The following RAPGEF6 variants were observed in gnomAD, a reference collection of about 807,000 sequenced individuals.
RAPGEF6 encodes the protein Rap guanine nucleotide exchange factor 6.
Under a neutral mutation model 171.4 loss-of-function variants are expected in RAPGEF6, and 56 were observed. That is an observed-to-expected ratio of 0.33 (90% CI 0.26 to 0.41). The LOEUF (loss-of-function observed/expected upper bound fraction) is 0.41. Ranked by LOEUF, RAPGEF6 falls within the 10% of genes least tolerant of loss-of-function variation. RAPGEF6 has a pLI of 1.00. For missense variants in RAPGEF6, 1,674 were observed against 1,921.4 expected, an observed-to-expected ratio of 0.87 and a Z score of 2.41; for synonymous variants, 692 against 650.1, an observed-to-expected ratio of 1.06 and a Z score of -0.98.
chr5:131,462,162 T>C (rs2149835124), intron 18 of RAPGEF6, 74 bp from the exon 19 acceptor site: 2 of 1,162,624 alleles, frequency 1.7e-6, no homozygotes, highest in East Asian at 5.7e-5. Context: ...CTTTTTGTCG[T>C]TGTAAAATAT....
At chr5:131,450,457 T>C (rs1752992862) in intron 21 of RAPGEF6, among the ~76,000 whole-genome samples, 1 of 152,150 alleles carries the variant, frequency 6.6e-6, no homozygotes, top group African/African-American at 2.4e-5. Flanking sequence ...CTCATTTAAG[T>C]GACAGAATGA....
chr5:131,450,923 G>A (rs1403548567), intron 21 of RAPGEF6, among the ~76,000 whole-genome samples: 3 of 152,130 alleles, frequency 2.0e-5, no homozygotes, highest in Non-Finnish European at 4.4e-5. Context: ...CATTACTGAA[G>A]TATGGCTAGT....
In RAPGEF6 at chr5:131,447,629, A is replaced by G. The variant is rs115654751; in HGVS notation, c.3201-926T>C. On this transcript the variant is annotated intron_variant, in intron 21 of 27. Coordinates refer to ENST00000509018, the MANE Select transcript of RAPGEF6 (RefSeq NM_016340.6). Reference sequence around the variant, plus strand: ...GATGGTATTTTATTTTGCCATTCCAAAATAATAAGGTTATCTATGGATTTT... The same window carrying G: ...GATGGTATTTTATTTTGCCATTCCAGAATAATAAGGTTATCTATGGATTTT... Among the ~76,000 whole-genome samples the G allele has an allele frequency of 5.1e-3, 774 of 152,326 alleles. 4 individuals carry two copies. Among genetic ancestry groups the G allele is most frequent in the African/African-American group, 0.017 (709 of 41,568 alleles).
intron 21 of RAPGEF6, among the ~76,000 whole-genome samples, chr5:131,450,658 GC>G (rs747025124): frequency 9.2e-5 from 14 of 152,110 alleles, no homozygotes; most frequent in Non-Finnish European, 1.8e-4. Flanking sequence ...TTTTAAGTCT[GC>G]AAATTGATTA....
intron 11 of RAPGEF6, 41 bp from the exon 12 acceptor site, chr5:131,498,648 T>G: frequency 6.4e-7 from 1 of 1,571,276 alleles, no homozygotes; most frequent in Non-Finnish European, 8.7e-7. Flanking sequence ...AATAAACAAA[T>G]GACCCAAGAA....
At chr5:131,503,713 T>C (rs781032682) in intron 11 of RAPGEF6, among the ~76,000 whole-genome samples, 2 of 152,218 alleles carry the variant, frequency 1.3e-5, no homozygotes, top group Middle Eastern at 3.2e-3. Flanking sequence ...GTTCAGTTTA[T>C]ATCCAAGTCT....
chr5:131,531,413 T>A (rs1029442457), intron 6 of RAPGEF6, among the ~76,000 whole-genome samples: 1 of 152,168 alleles, frequency 6.6e-6, no homozygotes, highest in Admixed American at 6.5e-5. Flanking sequence ...ACTCACTGAA[T>A]TAGAGTATAT....
intron 11 of RAPGEF6, 135 bp downstream of exon 11, chr5:131,504,489 CAA>C (rs1383867570): frequency 1.1e-6 from 1 of 927,400 alleles, no homozygotes; most frequent in Non-Finnish European, 1.5e-6. Flanking sequence ...TAGAGAAAGA[CAA>C]AGAGTCAACA....
intron 14 of RAPGEF6, among the ~76,000 whole-genome samples, chr5:131,491,999 T>A (rs1173069692): frequency 1.3e-5 from 2 of 152,172 alleles, no homozygotes; most frequent in African/African-American, 4.8e-5. Context: ...TGCCAGCAGA[T>A]CACATTTGGA....
At chr5:131,511,073 A>G (rs1249156386) in intron 7 of RAPGEF6, among the ~76,000 whole-genome samples, 2 of 152,228 alleles carry the variant, frequency 1.3e-5, no homozygotes, top group East Asian at 1.9e-4. Flanking sequence ...GTAGGATCTA[A>G]AAGTGTGCAA....
At chr5:131,488,953 T>G (rs759410754) in intron 15 of RAPGEF6, among the ~76,000 whole-genome samples, 1 of 152,184 alleles carries the variant, frequency 6.6e-6, no homozygotes, top group Non-Finnish European at 1.5e-5. Context: ...ACACAGTAGA[T>G]TTGGTTAAAA....
rs540152034 is a variant in RAPGEF6, at chr5:131,502,336, A to G, written c.1254+2290T>C. Among the ~76,000 whole-genome samples, 3 of 152,374 alleles carry G rather than the reference A, an allele frequency of 2.0e-5. No individual in the cohort carries two copies. In the South Asian group the frequency reaches 6.2e-4, roughly 32 times the overall value. ...ATTCAGTGCATACTATACATAAACT[A>G]AAAGTCTGAGGATAGTATTTTGATA... On this transcript the variant is annotated intron_variant, in intron 11 of 27. Coordinates refer to ENST00000509018, the MANE Select transcript of RAPGEF6 (RefSeq NM_016340.6).
chr5:131,571,005 C>T (rs1312485246), intron 4 of RAPGEF6, among the ~76,000 whole-genome samples: 3 of 143,834 alleles, frequency 2.1e-5, no homozygotes, highest in South Asian at 2.2e-4. Context: ...AATGCAGTGG[C>T]GCAATCTCCA....
At chr5:131,463,734 C>T (rs1754117833) in intron 18 of RAPGEF6, 16 of 1,008,332 alleles carry the variant, frequency 1.6e-5, no homozygotes, top group Non-Finnish European at 1.9e-5. Flanking sequence ...AAAACCATGG[C>T]TTCTTTTGCC....
intron 3 of RAPGEF6, 149 bp from the exon 4 acceptor site, chr5:131,592,615 C>G: frequency 7.2e-7 from 1 of 1,387,072 alleles, no homozygotes; most frequent in Non-Finnish European, 9.5e-7. Context: ...TGCCTGTTGC[C>G]TAAGGTTTTA....
At chr5:131,546,954 C>G (rs1327738303) in intron 6 of RAPGEF6, among the ~76,000 whole-genome samples, 1 of 152,092 alleles carries the variant, frequency 6.6e-6, no homozygotes, top group East Asian at 1.9e-4. Context: ...ATTACTTACA[C>G]AGTAAAGCAA....
intron 23 of RAPGEF6, 52 bp from the exon 24 acceptor site, chr5:131,439,767 C>G: frequency 6.3e-7 from 1 of 1,584,624 alleles, no homozygotes; most frequent in Non-Finnish European, 8.6e-7. Context: ...ATTAAAATGT[C>G]TATAGTTGCC....
intron 1 of RAPGEF6, among the ~76,000 whole-genome samples, chr5:131,605,823 G>A (rs1411213709): frequency 6.6e-6 from 1 of 151,904 alleles, no homozygotes; most frequent in African/African-American, 2.4e-5. Flanking sequence ...GAGGTCAGGA[G>A]ATCAAGACCA....
At chr5:131,429,945 G>T (rs963803980) in intron 26 of RAPGEF6, among the ~76,000 whole-genome samples, 2 of 151,826 alleles carry the variant, frequency 1.3e-5, no homozygotes, top group African/African-American at 4.8e-5. Flanking sequence ...AGCTACTTGG[G>T]AGGCTGAGAG....
Sources: allele counts gnomAD v4.1 joint callset (sites outside exome capture counted in the v4.1 genomes callset), GRCh38; gene constraint gnomAD v4.1.1; transcripts MANE v1.5; gene names NCBI Gene and HGNC (gene_info 2026-07-23, HGNC 2026-07-21).